The following MMS19 variants were observed in gnomAD, a reference collection of about 807,000 sequenced individuals.
MMS19 encodes MMS19 nucleotide excision repair protein homolog.
In MMS19, 77 loss-of-function variants were observed where a neutral mutation model predicts 129.8. The observed-to-expected ratio is 0.59, with a 90% confidence interval of 0.49 to 0.72. The LOEUF (loss-of-function observed/expected upper bound fraction) is 0.72, where lower values mean the gene tolerates loss of function less well. MMS19 is among the 30% of genes least tolerant of loss of function. MMS19 has a pLI of 0.00. For synonymous variants in MMS19, 491 were observed against 502.8 expected, an observed-to-expected ratio of 0.98 and a Z score of 0.31; for missense variants, 1,168 against 1,266.3, an observed-to-expected ratio of 0.92 and a Z score of 1.18.
At chr10:97,466,374 AAC>A (rs1468414582) in intron 16 of MMS19, 128 bp downstream of exon 16, 17 of 827,220 alleles carry the variant, frequency 2.1e-5, no homozygotes, top group Non-Finnish European at 3.5e-5. Context: ...GCCAGAGTCT[AAC>A]ACAGAGCTCA....
chr10:97,493,907 C>T (rs2039371892), intron 1 of MMS19, among the ~76,000 whole-genome samples: 1 of 152,130 alleles, frequency 6.6e-6, no homozygotes, highest in South Asian at 2.1e-4. Flanking sequence ...CCCAGCTACT[C>T]GGGAGGCTGA....
chr10:97,481,743 G>A lies in MMS19; in HGVS notation c.162-701C>T, dbSNP rs551161342. ...AAGCAGCAACAAGCAGAAAGTGGAA[G>A]AGTTCTGGCCATGACAGTTGTATTG... On this transcript the variant is annotated intron_variant, in intron 2 of 30. Coordinates refer to ENST00000438925, the MANE Select transcript of MMS19 (RefSeq NM_022362.5). Among the ~76,000 whole-genome samples, 3 of 152,210 alleles carry A rather than the reference G, an allele frequency of 2.0e-5. No individual in the cohort carries two copies. The East Asian group carries it at 5.8e-4, about 29-fold the overall frequency.
chr10:97,458,396 T>C lies in MMS19; in HGVS notation c.*296A>G, dbSNP rs993298870. The C allele has an allele frequency of 5.0e-6, 2 of 399,994 alleles. No individual in the cohort carries two copies. Among genetic ancestry groups the C allele is most frequent in the Non-Finnish European group, 9.0e-6 (2 of 222,636 alleles). The allele number at this position is 399,994 out of a possible 1,614,324, so 24.8% of individuals were successfully genotyped here. On this transcript the variant is annotated 3_prime_UTR_variant, in exon 31 of 31. Transcript: ENST00000438925. ...GCCCTGGTCCTCAGGGCCACACTCA[T>C]ATGCACTCACCCCTCAGCAGCATAT... is the stretch of plus-strand genomic sequence containing the variant.
intron 8 of MMS19, among the ~76,000 whole-genome samples, chr10:97,471,473 T>G (rs1281220278): frequency 6.6e-6 from 1 of 152,000 alleles, no homozygotes; most frequent in African/African-American, 2.4e-5. Context: ...CTTTGCAAAC[T>G]CCACCAAAAA....
At chr10:97,498,612 G>C, upstream of MMS19, 1 of 552,972 alleles carries the variant, frequency 1.8e-6, no homozygotes, top group Non-Finnish European at 3.1e-6. Flanking sequence ...AGGCGATTGA[G>C]GGCGAATAAT....
At chr10:97,466,999 T>C (rs1186225034) in intron 14 of MMS19, 98 bp from the exon 15 acceptor site, 39 of 1,407,364 alleles carry the variant, frequency 2.8e-5, no homozygotes, top group Non-Finnish European at 3.4e-5. Flanking sequence ...GATTTTTTTT[T>C]TGAGACAAGG....
In MMS19 at chr10:97,477,908, G is replaced by T. The variant is rs751852210; in HGVS notation, c.370C>A (p.Pro124Thr). ...KALSLCVALP[P>T]GLAVSVLKAI... ...TTAAGCACAGAAACAGCCAGCCCTG[G>T]GGGCAGGGCCACACACAGGCTCTGG... The change falls in exon 5 of 31, where the codon CCA (proline) becomes ACA (threonine). Residue 124 changes from proline (P) to threonine (T), a missense_variant. Physicochemically the swap from Pro to Thr is conservative, Grantham distance 38. Coordinates refer to ENST00000438925, the MANE Select transcript of MMS19 (RefSeq NM_022362.5). 2.0e-5 allele frequency: 32 copies of T among 1,607,386 alleles called. No homozygotes were observed. Among genetic ancestry groups the T allele is most frequent in the Non-Finnish European group, 2.5e-5 (30 of 1,177,480 alleles).
intron 16 of MMS19, 26 bp from the exon 17 acceptor site, chr10:97,466,185 T>C: frequency 6.5e-7 from 1 of 1,534,000 alleles, no homozygotes; most frequent in South Asian, 1.2e-5. Flanking sequence ...AGATAAGCAT[T>C]GGCTGAGCCT....
chr10:97,468,980 C>T lies in MMS19; in HGVS notation c.1049G>A (p.Ser350Asn). The T allele has an allele frequency of 8.2e-6, 13 of 1,588,942 alleles. No individual in the cohort carries two copies. Among genetic ancestry groups the T allele is most frequent in the Non-Finnish European group, 1.1e-5 (13 of 1,167,228 alleles). The change falls in exon 12 of 31, where the codon AGC becomes AAC. Residue 350 changes from serine (S) to asparagine (N), a missense_variant. By Grantham distance (46) the Ser-to-Asn change is conservative (BLOSUM62 1). Around this residue, in one of 3 missense-constraint regions of MMS19, gnomAD observed 831 missense variants for 910.8 expected, o/e 0.91. Transcript: ENST00000438925. ...GGCCCCATTACCCTGTAGAATGTTG[C>T]TAAGGAAGGAGTCAAGGAGGTCCTC... is the stretch of plus-strand genomic sequence containing the variant. ...DAEDLLDSFL[S>N]NILQDCRHHL...
At chr10:97,461,148 T>C in intron 23 of MMS19, 141 bp from the exon 24 acceptor site, 2 of 692,610 alleles carry the variant, frequency 2.9e-6, no homozygotes, top group African/African-American at 1.8e-5. Context: ...ACAAAATGAT[T>C]GGACACCTGC....
At chr10:97,486,891 A>ATATATATATATATATATATATATG (rs1554852518) in intron 1 of MMS19, among the ~76,000 whole-genome samples, 16 of 132,346 alleles carry the variant, frequency 1.2e-4, no homozygotes, top group Non-Finnish European at 2.0e-4. Context: ...ATATATATAT[A>ATATATATATATATATATATATATG]TATAAAATTA....
At chr10:97,493,991 G>C (rs2084491042) in intron 1 of MMS19, among the ~76,000 whole-genome samples, 1 of 152,022 alleles carries the variant, frequency 6.6e-6, no homozygotes, top group African/African-American at 2.4e-5. Flanking sequence ...CTCCAGCCTG[G>C]GCAACAGAGC....
chr10:97,471,610 A>C (rs1271249948), intron 8 of MMS19, among the ~76,000 whole-genome samples: 1 of 152,044 alleles, frequency 6.6e-6, no homozygotes, highest in African/African-American at 2.4e-5. Flanking sequence ...TCCTAGGTTC[A>C]AGTGATTCTC....
intron 1 of MMS19, among the ~76,000 whole-genome samples, chr10:97,486,603 A>T (rs989303131): frequency 3.3e-5 from 5 of 152,186 alleles, no homozygotes; most frequent in Non-Finnish European, 7.3e-5. Context: ...AATCTAAAAA[A>T]GTTTAATTCA....
chr10:97,460,104 C>T lies in MMS19; in HGVS notation c.2598G>A (p.Gln866=). The part of the protein sequence containing the change: ...GHAEVRIMFR[Q]RFFTDNVPAL... ...CAGGCACATTATCTGTGAAGAACCG[C>T]TGGCGGAACATGATCCGCACTTCGG... Residue 866 remains glutamine (Q), a synonymous_variant, in exon 26 of 31, where the codon CAG becomes CAA. Coordinates refer to ENST00000438925, the MANE Select transcript of MMS19 (RefSeq NM_022362.5). 1.2e-6 allele frequency: 2 copies of T among 1,614,050 alleles called. No individual in the cohort carries two copies. The highest frequency in any genetic ancestry group is 1.7e-6 in the Non-Finnish European group (2 of 1,179,904).
At chr10:97,476,601 G>A in intron 8 of MMS19, 82 bp downstream of exon 8, 2 of 1,327,350 alleles carry the variant, frequency 1.5e-6, no homozygotes, top group Non-Finnish European at 2.1e-6. Flanking sequence ...TTGGTGACCT[G>A]TACCCTCAGT....
chr10:97,469,761 T>C (rs2034297096), intron 10 of MMS19, 38 bp from the exon 11 acceptor site: 1 of 1,575,680 alleles, frequency 6.3e-7, no homozygotes, highest in Non-Finnish European at 8.7e-7. Context: ...ATGTACACAC[T>C]CAGACACCCT....
chr10:97,478,238 G>T, intron 4 of MMS19, 66 bp downstream of exon 4: 2 of 1,289,868 alleles, frequency 1.6e-6, no homozygotes, highest in Non-Finnish European at 2.2e-6. Context: ...CACCCAAAGC[G>T]CAAGGAGAGA....
In MMS19 at chr10:97,460,205, A is replaced by C. The variant is rs2031373080; in HGVS notation, c.2497T>G (p.Leu833Val). Residue 833 changes from leucine (L) to valine (V), a missense_variant, in exon 26 of 31, where the codon TTA becomes GTA. Leu to Val is a conservative substitution (Grantham distance 32). This residue lies in a region of MMS19 where 831 missense variants were observed against 910.8 expected (regional missense o/e 0.91). Coordinates refer to ENST00000438925, the MANE Select transcript of MMS19 (RefSeq NM_022362.5). Reference sequence around the variant, plus strand: ...AAGCCATCAGCTGCTGCTGGACCTAATTCTGGGTCACTCAGGAGGCCCATG... The same window carrying C: ...AAGCCATCAGCTGCTGCTGGACCTACTTCTGGGTCACTCAGGAGGCCCATG... ...RLMGLLSDPE[L>V]GPAAADGFSL... The C allele has an allele frequency of 1.2e-6, 2 of 1,613,780 alleles. No individual in the cohort carries two copies. The highest frequency in any genetic ancestry group is 1.7e-6 in the Non-Finnish European group (2 of 1,179,756).
Sources: allele counts gnomAD v4.1 joint callset (sites outside exome capture counted in the v4.1 genomes callset), GRCh38; gene constraint gnomAD v4.1.1; regional missense constraint gnomAD v4.1.1; transcripts MANE v1.5; gene names NCBI Gene and HGNC (gene_info 2026-07-23, HGNC 2026-07-21).